The following IFT80 variants were observed in gnomAD, a reference collection of about 807,000 sequenced individuals.
IFT80 encodes the protein intraflagellar transport protein 80 homolog.
IFT80 carries 79 observed loss-of-function variants against 107.9 expected under a neutral mutation model. That is an observed-to-expected ratio of 0.73 (90% confidence interval 0.61 to 0.88). The LOEUF (loss-of-function observed/expected upper bound fraction) is 0.88. IFT80 is among the 40% of genes least tolerant of loss of function. The pLI is 0.00. For synonymous variants in IFT80, 299 were observed against 300.9 expected (o/e 0.99, Z 0.07); for missense variants, 797 against 914.2 (o/e 0.87, Z 1.65).
At chr3:160,381,481 A>G in intron 3 of IFT80, 22 bp downstream of exon 3, 1 of 1,537,676 alleles carries the variant, frequency 6.5e-7, no homozygotes, top group South Asian at 1.1e-5. Flanking sequence ...TGGCGAGCAT[A>G]TAATGTTTAT....
intron 12 of IFT80, chr3:160,299,175 C>G (rs552481523): frequency 4.9e-5 from 49 of 989,914 alleles, no homozygotes; most frequent in Non-Finnish European, 4.9e-5. Flanking sequence ...ATTCTGTCTG[C>G]CATCTGGATA....
At chr3:160,331,073 G>C (rs1172506326) in intron 8 of IFT80, among the ~76,000 whole-genome samples, 1 of 152,058 alleles carries the variant, frequency 6.6e-6, no homozygotes, top group Non-Finnish European at 1.5e-5. Context: ...TTTTCTAATT[G>C]AGAACTTTCA....
chr3:160,313,066 TTA>T (rs1363841211), intron 9 of IFT80, among the ~76,000 whole-genome samples: 2 of 102,044 alleles, frequency 2.0e-5, no homozygotes, highest in Non-Finnish European at 3.7e-5. Flanking sequence ...ATAATATATA[TTA>T]TATATATTTT....
chr3:160,393,766 G>T (rs935319200), intron 1 of IFT80, among the ~76,000 whole-genome samples: 33 of 152,272 alleles, frequency 2.2e-4, no homozygotes, highest in African/African-American at 7.5e-4. Flanking sequence ...TAAACAGGGA[G>T]ACCATGACTT....
At chr3:160,269,161 G>A (rs1353299774) in intron 18 of IFT80, among the ~76,000 whole-genome samples, 1 of 151,670 alleles carries the variant, frequency 6.6e-6, no homozygotes, top group African/African-American at 2.4e-5. Flanking sequence ...TCTGGGAGGT[G>A]GAAGTTGCAG....
At chr3:160,371,028 T>C (rs1325741722) in intron 5 of IFT80, among the ~76,000 whole-genome samples, 2 of 152,218 alleles carry the variant, frequency 1.3e-5, no homozygotes, top group Non-Finnish European at 2.9e-5. Flanking sequence ...TGGTCAATTT[T>C]TTAAAGGTTT....
chr3:160,370,561 A>ATT (rs57227757), intron 5 of IFT80, among the ~76,000 whole-genome samples: 11 of 151,426 alleles, frequency 7.3e-5, no homozygotes, highest in African/African-American at 2.4e-4. Flanking sequence ...AAATAAAGGC[A>ATT]TTTTTTTTTA....
rs773225164 is a variant in IFT80, at chr3:160,357,594, A to G, written c.550-16T>C. 2.9e-5 allele frequency: 44 copies of G among 1,500,880 alleles called. No individual in the cohort carries two copies. Among genetic ancestry groups the G allele is most frequent in the African/African-American group, 2.5e-4 (18 of 72,506 alleles). The allele number at this position is 1,500,880 out of a possible 1,614,324, so 93.0% of individuals were successfully genotyped here. On this transcript the variant is annotated splice_polypyrimidine_tract_variant and intron_variant, in intron 6 of 19. Transcript: ENST00000326448. ...GAGCTTTCCACTGTGAGAAAAAAGA[A>G]TAAGATATTAATTATAAGTTTAAAA... is the stretch of plus-strand genomic sequence containing the variant.
chr3:160,355,107 A>G (rs763743954), intron 8 of IFT80, among the ~76,000 whole-genome samples: 8 of 152,248 alleles, frequency 5.3e-5, no homozygotes, highest in Non-Finnish European at 1.0e-4. Context: ...TCATTCAAGT[A>G]CAATGGGTAA....
intron 3 of IFT80, among the ~76,000 whole-genome samples, chr3:160,380,864 G>A (rs956467611): frequency 1.3e-5 from 2 of 152,010 alleles, no homozygotes; most frequent in Non-Finnish European, 2.9e-5. Flanking sequence ...TTTCAGTGTG[G>A]TTATATTAAG....
chr3:160,341,588 T>C (rs1719899041), intron 8 of IFT80, among the ~76,000 whole-genome samples: 1 of 152,124 alleles, frequency 6.6e-6, no homozygotes, highest in African/African-American at 2.4e-5. Context: ...AGTGATCCCT[T>C]CCCTGAGGGA....
chr3:160,360,907 C>T (rs1200055054), intron 6 of IFT80, among the ~76,000 whole-genome samples: 1 of 152,102 alleles, frequency 6.6e-6, no homozygotes, highest in Non-Finnish European at 1.5e-5. Flanking sequence ...CAAAAACATG[C>T]CGAATTGTAA....
rs147197153 is a variant in IFT80 at position 160,277,996 on chromosome 3, A to G, written c.1837-326T>C. Among the ~76,000 whole-genome samples, 1,070 of 152,302 alleles carry G rather than the reference A, an allele frequency of 7.0e-3. 17 individuals carry two copies. Among genetic ancestry groups the G allele is most frequent in the African/African-American group, 0.025 (1,027 of 41,572 alleles). ...AAATGTAATTTATAGGGAACCAAAG[A>G]AATAGTGAAGTTCTCAGACAATGAT... On this transcript the variant is annotated intron_variant, in intron 16 of 19. Transcript: ENST00000326448.
In IFT80 at chr3:160,313,608, A is replaced by AT. The variant is rs201247167; in HGVS notation, c.958-5828dup. Among the ~76,000 whole-genome samples the AT allele has an allele frequency of 4.6e-3, 647 of 139,744 alleles. 2 individuals carry two copies. Among genetic ancestry groups the AT allele is most frequent in the African/African-American group, 0.01 (402 of 38,298 alleles). The allele number at this position is 139,744 out of a possible 152,430, so 91.7% of individuals were successfully genotyped here. On this transcript the variant is annotated intron_variant, in intron 9 of 19. Transcript: ENST00000326448. ...CCACATCAGAAATGTTCTGTGCTGA[A>AT]TTTTTTTTTTTTTTTTTTGAGACAA...
intron 8 of IFT80, among the ~76,000 whole-genome samples, chr3:160,341,638 C>G (rs1719903901): frequency 6.6e-6 from 1 of 152,094 alleles, no homozygotes; most frequent in Non-Finnish European, 1.5e-5. Context: ...CTCAGCCTTA[C>G]TGCTCTCTCA....
At chr3:160,318,931 G>A (rs962409143) in intron 9 of IFT80, among the ~76,000 whole-genome samples, 31 of 151,902 alleles carry the variant, frequency 2.0e-4, no homozygotes, top group African/African-American at 7.5e-4. Flanking sequence ...ATACCCAGAG[G>A]AAAGTTATAT....
intron 18 of IFT80, among the ~76,000 whole-genome samples, chr3:160,274,078 A>G (rs867422675): frequency 2.0e-4 from 30 of 152,194 alleles, no homozygotes; most frequent in Admixed American, 9.2e-4. Context: ...TGCGGGGAAC[A>G]GGATATAAGG....
chr3:160,377,461 T>C lies in IFT80; in HGVS notation c.339A>G (p.Arg113=), dbSNP rs758452294. Residue 113 remains arginine, a synonymous_variant, in exon 4 of 20, where the codon AGA becomes AGG. Coordinates refer to ENST00000326448, the MANE Select transcript of IFT80 (RefSeq NM_020800.3). ...EAHCGAVLAG[R]WNYEGTALVT... ...CTAATGCTGTTCCTTCATAATTCCA[T>C]CTTCCTGCAAGTACTGCTCCACAGT... 6 of 1,608,126 alleles carry C rather than the reference T, an allele frequency of 3.7e-6. No individual in the cohort carries two copies. In the East Asian group the frequency reaches 6.7e-5, roughly 18 times the overall value.
chr3:160,294,219 CT>C (rs374390188), intron 12 of IFT80, among the ~76,000 whole-genome samples: 20 of 151,600 alleles, frequency 1.3e-4, no homozygotes, highest in African/African-American at 4.6e-4. Context: ...TTGTCCTTAA[CT>C]TTTTTTTTCT....
Sources: gnomAD v4.1 joint callset for allele counts (sites outside exome capture counted in the v4.1 genomes callset) on GRCh38, gnomAD v4.1.1 for gene constraint, MANE v1.5 for transcripts, NCBI Gene and HGNC (gene_info 2026-07-23, HGNC 2026-07-21) for gene names.